GRM3: variants seen among roughly 807,000 people sequenced by gnomAD.
GRM3 encodes the protein metabotropic glutamate receptor 3.
Under a neutral mutation model 70.5 loss-of-function variants are expected in GRM3, and 26 were observed. That is an observed-to-expected ratio of 0.37 (90% CI 0.27 to 0.51). The LOEUF (loss-of-function observed/expected upper bound fraction) is 0.51. Ranked by LOEUF, GRM3 falls within the 20% of genes least tolerant of loss-of-function variation. The pLI, the probability that GRM3 is intolerant of heterozygous loss-of-function variation, is 0.93. For missense variants in GRM3, 859 were observed against 1,123.8 expected (o/e 0.76, Z 3.37); for synonymous variants, 443 against 434.9 (o/e 1.02, Z -0.23).
chr7:86,769,544 G>A (rs1245203190), intron 2 of GRM3, among the ~76,000 whole-genome samples: 1 of 152,112 alleles, frequency 6.6e-6, no homozygotes, highest in African/African-American at 2.4e-5. Context: ...TTTCTCTCCA[G>A]CTTCCTCTTC....
chr7:86,847,936 T>C (rs946093831), intron 4 of GRM3, among the ~76,000 whole-genome samples: 35 of 152,194 alleles, frequency 2.3e-4, no homozygotes, highest in African/African-American at 8.2e-4. Flanking sequence ...CAAACTATGA[T>C]AAAAATGCAA....
chr7:86,644,088 T>C lies in GRM3; in HGVS notation c.-925T>C, dbSNP rs116123427. ...CCCTGCTTACCTGAAAGCCAAGCGCTCTAGCAGAGCTTTAAAGTTGGAGCC... is the reference window on the plus strand; with the variant it reads ...CCCTGCTTACCTGAAAGCCAAGCGCCCTAGCAGAGCTTTAAAGTTGGAGCC... On this transcript the variant is annotated 5_prime_UTR_variant, in exon 1 of 6. Transcript: ENST00000361669. 8.8e-3 allele frequency: 1,385 copies of C among 156,806 alleles called. 16 individuals carry two copies. The highest frequency in any genetic ancestry group is 0.032 in the African/African-American group (1,322 of 41,556). 9.7% of individuals were successfully genotyped at this position (156,806 alleles called of 1,614,324 possible).
At chr7:86,841,285 A>C (rs893545744) in intron 4 of GRM3, among the ~76,000 whole-genome samples, 1 of 152,194 alleles carries the variant, frequency 6.6e-6, no homozygotes, top group African/African-American at 2.4e-5. Context: ...TATGGGCTAC[A>C]TTAAGGGATG....
At chr7:86,750,989 T>C (rs1178323572) in intron 1 of GRM3, among the ~76,000 whole-genome samples, 8 of 152,020 alleles carry the variant, frequency 5.3e-5, no homozygotes, top group Non-Finnish European at 8.8e-5. Context: ...ATAAGGAAAA[T>C]AATAGAAGTG....
intron 1 of GRM3, among the ~76,000 whole-genome samples, chr7:86,698,557 T>C (rs946024685): frequency 7.0e-6 from 1 of 142,600 alleles, no homozygotes; most frequent in East Asian, 1.9e-4. Context: ...ATTATTATTA[T>C]ATATATAATT....
chr7:86,730,408 G>A (rs1584198836), intron 1 of GRM3, among the ~76,000 whole-genome samples: 4 of 152,316 alleles, frequency 2.6e-5, no homozygotes, highest in Admixed American at 6.5e-5. Flanking sequence ...CGTCAAGAGC[G>A]AAACTCTGTC....
At chr7:86,825,880 A>G (rs1419549962) in intron 3 of GRM3, among the ~76,000 whole-genome samples, 1 of 152,188 alleles carries the variant, frequency 6.6e-6, no homozygotes, top group East Asian at 1.9e-4. Flanking sequence ...GCATCTCTGA[A>G]TGGGATTTTC....
At chr7:86,712,826 T>C (rs1331562825) in intron 1 of GRM3, among the ~76,000 whole-genome samples, 1 of 152,164 alleles carries the variant, frequency 6.6e-6, no homozygotes, top group African/African-American at 2.4e-5. Flanking sequence ...TTATTTTATA[T>C]GCCTGAATAA....
At position 86,839,190 on chromosome 7, in the gene GRM3, T is replaced by C; in HGVS notation, c.1676T>C (p.Leu559Pro). Residue 559 changes from leucine (L) to proline (P), a missense_variant, in exon 4 of 6, where the codon CTA becomes CCA. Transcript: ENST00000361669. The surrounding 1 kb of genome is among the most constrained non-coding windows in gnomAD (Gnocchi z 4.5). ...CGSGQWPTADLTGCYDLPEDY... is the reference protein window; with the variant it reads ...CGSGQWPTADPTGCYDLPEDY... ...TCTGGACAGTGGCCCACTGCAGACC[T>C]AACTGGATGCTATGACCTTCCTGAG... 6.2e-7 allele frequency: 1 copy of C among 1,613,316 alleles called. No individual in the cohort carries two copies. The highest frequency in any genetic ancestry group is 8.5e-7 in the Non-Finnish European group (1 of 1,179,230).
chr7:86,808,261 A>T (rs886680879), intron 3 of GRM3, among the ~76,000 whole-genome samples: 24 of 152,144 alleles, frequency 1.6e-4, no homozygotes, highest in African/African-American at 4.8e-4. Context: ...CTGGCCTCAT[A>T]AAATGAGTTA....
intron 3 of GRM3, among the ~76,000 whole-genome samples, chr7:86,834,114 C>A (rs1048861907): frequency 2.6e-5 from 4 of 152,096 alleles, no homozygotes; most frequent in Admixed American, 6.6e-5. Flanking sequence ...ACTATTTTAA[C>A]TTTATAATTT....
chr7:86,844,572 G>T (rs950880222), intron 4 of GRM3, among the ~76,000 whole-genome samples: 2 of 152,182 alleles, frequency 1.3e-5, no homozygotes, highest in African/African-American at 4.8e-5. Flanking sequence ...AAAAAATCAG[G>T]CTGCTGTAAA....
intron 2 of GRM3, among the ~76,000 whole-genome samples, chr7:86,770,399 T>A (rs571957765): frequency 6.6e-6 from 1 of 152,140 alleles, no homozygotes; most frequent in East Asian, 1.9e-4. Context: ...ACTATCCACA[T>A]CCCAGGAACA....
chr7:86,798,117 G>A (rs1028465225), intron 3 of GRM3, among the ~76,000 whole-genome samples: 8 of 152,190 alleles, frequency 5.3e-5, no homozygotes, highest in African/African-American at 1.9e-4. Flanking sequence ...GAGAACCTCT[G>A]CTAGGGCAGT....
At chr7:86,829,540 T>C (rs1033602180) in intron 3 of GRM3, among the ~76,000 whole-genome samples, 1 of 152,206 alleles carries the variant, frequency 6.6e-6, no homozygotes, top group African/African-American at 2.4e-5. Context: ...TGAACACTTA[T>C]AGACCATCAT....
intron 1 of GRM3, among the ~76,000 whole-genome samples, chr7:86,746,162 T>C (rs1796096488): frequency 6.6e-6 from 1 of 151,688 alleles, no homozygotes. Context: ...TTTCTAATGT[T>C]TTCCTCATCT....
chr7:86,685,103 T>C (rs1427282979), intron 1 of GRM3, among the ~76,000 whole-genome samples: 1 of 152,174 alleles, frequency 6.6e-6, no homozygotes, highest in Non-Finnish European at 1.5e-5. Flanking sequence ...TATCTCAATA[T>C]CCTCATATTT....
intron 4 of GRM3, among the ~76,000 whole-genome samples, chr7:86,844,215 T>TA (rs1399876404): frequency 1.3e-5 from 2 of 152,174 alleles, no homozygotes; most frequent in Non-Finnish European, 2.9e-5. Context: ...TCAAATTCTT[T>TA]AAAAAAATTT....
At chr7:86,701,508 T>G (rs575517447) in intron 1 of GRM3, among the ~76,000 whole-genome samples, 1 of 151,966 alleles carries the variant, frequency 6.6e-6, no homozygotes, top group Non-Finnish European at 1.5e-5. Flanking sequence ...TTGCTAAAAC[T>G]GTTTCTCCCT....
Sources: gnomAD v4.1 joint callset for allele counts (sites outside exome capture counted in the v4.1 genomes callset) on GRCh38, gnomAD v4.1.1 for gene constraint, Gnocchi (gnomAD v3.1) non-coding constraint, MANE v1.5 for transcripts, NCBI Gene and HGNC (gene_info 2026-07-23, HGNC 2026-07-21) for gene names.